ITSN2: variants seen among roughly 807,000 people sequenced by gnomAD.
The protein encoded by ITSN2 is intersectin 2.
In ITSN2, 156 loss-of-function variants were observed where a neutral mutation model predicts 243.7. The observed-to-expected ratio is 0.64, with a 90% CI of 0.56 to 0.73. The LOEUF (loss-of-function observed/expected upper bound fraction) is 0.73. Ranked by LOEUF, ITSN2 falls within the 30% of genes least tolerant of loss-of-function variation. The probability of loss-of-function intolerance (pLI) is 0.00; values close to 1 mark genes in which losing one functional copy is unlikely to be tolerated. For missense variants in ITSN2, 1,801 were observed against 1,996.1 expected, an observed-to-expected ratio of 0.90 and a Z score of 1.86; for synonymous variants, 703 against 699.9, an observed-to-expected ratio of 1.00 and a Z score of -0.07.
At chr2:24,315,350 G>C (rs1289811638) in intron 2 of ITSN2, 126 bp from the exon 3 acceptor site, 1 of 545,240 alleles carries the variant, frequency 1.8e-6, no homozygotes, top group Non-Finnish European at 3.3e-6. Flanking sequence ...GACACAAAGA[G>C]TAGAGCTCTA....
chr2:24,235,503 G>A (rs1672061266), intron 29 of ITSN2, among the ~76,000 whole-genome samples: 2 of 152,132 alleles, frequency 1.3e-5, no homozygotes, highest in African/African-American at 4.8e-5. Flanking sequence ...ACATGATGTA[G>A]GTGCATCAAT....
intron 1 of ITSN2, among the ~76,000 whole-genome samples, chr2:24,353,227 A>G (rs1458336201): frequency 6.6e-6 from 1 of 152,208 alleles, no homozygotes; most frequent in East Asian, 1.9e-4. Flanking sequence ...AAACACTAAG[A>G]CCTCAAATAA....
At position 24,280,203 on chromosome 2, in the gene ITSN2, T is replaced by C. The variant is rs1439058292; in HGVS notation, c.1945-4354A>G. Among the ~76,000 whole-genome samples, 4 of 152,222 alleles carry C rather than the reference T, an allele frequency of 2.6e-5. No individual in the cohort carries two copies. The East Asian group carries it at 7.7e-4, about 29-fold the overall frequency. Reference sequence around the variant, plus strand: ...TTCTAAATTAAATAATTGAAATATTTTACTTCTGTTGTCACTACAAGTAGC... The same window carrying C: ...TTCTAAATTAAATAATTGAAATATTCTACTTCTGTTGTCACTACAAGTAGC... On this transcript the variant is annotated intron_variant, in intron 17 of 39. Transcript: ENST00000355123.
chr2:24,280,855 A>G (rs1164328357), intron 17 of ITSN2, among the ~76,000 whole-genome samples: 4 of 152,160 alleles, frequency 2.6e-5, no homozygotes, highest in African/African-American at 9.7e-5. Flanking sequence ...TCTCAGGCTG[A>G]TCTCTTCATC....
intron 29 of ITSN2, among the ~76,000 whole-genome samples, chr2:24,223,992 G>A (rs1031675163): frequency 6.6e-6 from 1 of 152,124 alleles, no homozygotes; most frequent in Non-Finnish European, 1.5e-5. Flanking sequence ...AGGGGGAACT[G>A]CAGAGGGTAA....
intron 8 of ITSN2, among the ~76,000 whole-genome samples, chr2:24,305,532 G>A (rs1485791823): frequency 7.5e-6 from 1 of 133,260 alleles, no homozygotes; most frequent in African/African-American, 2.8e-5. Flanking sequence ...GGCCAAGATC[G>A]CACCACTGCA....
chr2:24,259,201 T>C (rs571731328), intron 22 of ITSN2, among the ~76,000 whole-genome samples: 1 of 152,342 alleles, frequency 6.6e-6, no homozygotes, highest in Non-Finnish European at 1.5e-5. Flanking sequence ...ACTACTATCC[T>C]TTTGGTTGCT....
At chr2:24,214,769 A>G (rs1014053352) in intron 32 of ITSN2, among the ~76,000 whole-genome samples, 19 of 151,948 alleles carry the variant, frequency 1.3e-4, no homozygotes, top group Non-Finnish European at 1.5e-5. Context: ...TCTAATTTCT[A>G]TTCTCTGCCT....
At chr2:24,218,206 G>C (rs747355358) in intron 30 of ITSN2, among the ~76,000 whole-genome samples, 193 bp from the exon 31 acceptor site, 3 of 152,116 alleles carry the variant, frequency 2.0e-5, no homozygotes, top group Non-Finnish European at 2.9e-5. Flanking sequence ...CTTTTTGCTA[G>C]TGCAGCTCTT....
chr2:24,263,356 G>A (rs1052603528), intron 20 of ITSN2, among the ~76,000 whole-genome samples: 2 of 152,100 alleles, frequency 1.3e-5, no homozygotes, highest in African/African-American at 4.8e-5. Context: ...ACACAGACTT[G>A]ACAGTGTTAT....
chr2:24,301,007 C>T (rs1681650094), intron 11 of ITSN2, 147 bp downstream of exon 11: 2 of 483,018 alleles, frequency 4.1e-6, no homozygotes, highest in African/African-American at 1.9e-5. Context: ...TTTATCAATA[C>T]CAAAATACAT....
intron 24 of ITSN2, among the ~76,000 whole-genome samples, chr2:24,252,931 T>C (rs1449235533): frequency 2.0e-5 from 3 of 152,158 alleles, no homozygotes; most frequent in Non-Finnish European, 4.4e-5. Context: ...GCTATATTAT[T>C]TTCTCTTTAA....
intron 37 of ITSN2, among the ~76,000 whole-genome samples, chr2:24,207,568 G>T (rs891652158): frequency 1.3e-5 from 2 of 151,986 alleles, no homozygotes; most frequent in Non-Finnish European, 2.9e-5. Context: ...TACAGAGGTC[G>T]GGGAGAGGCC....
intron 8 of ITSN2, among the ~76,000 whole-genome samples, chr2:24,305,314 A>C (rs1682354585): frequency 6.6e-6 from 1 of 152,080 alleles, no homozygotes; most frequent in South Asian, 2.1e-4. Flanking sequence ...GGAAAAACAG[A>C]CCAGTGGACA....
At chr2:24,212,230 G>A (rs755638353) in intron 33 of ITSN2, among the ~76,000 whole-genome samples, 1 of 152,144 alleles carries the variant, frequency 6.6e-6, no homozygotes, top group Non-Finnish European at 1.5e-5. Context: ...GGGACATCTA[G>A]GAAAGGTGTT....
At chr2:24,231,594 T>G (rs911813603) in intron 29 of ITSN2, among the ~76,000 whole-genome samples, 1 of 152,196 alleles carries the variant, frequency 6.6e-6, no homozygotes, top group Non-Finnish European at 1.5e-5. Flanking sequence ...AGACAAGTTA[T>G]GAATCATAGG....
At chr2:24,352,709 T>A (rs144991045) in intron 1 of ITSN2, among the ~76,000 whole-genome samples, 8 of 152,122 alleles carry the variant, frequency 5.3e-5, no homozygotes, top group Admixed American at 1.3e-4. Context: ...AATAGCAAAC[T>A]AATACTGAAG....
At chr2:24,234,168 AC>A (rs1403337572) in intron 29 of ITSN2, among the ~76,000 whole-genome samples, 1 of 152,062 alleles carries the variant, frequency 6.6e-6, no homozygotes, top group African/African-American at 2.4e-5. Flanking sequence ...CCAGAAATAG[AC>A]CCATATAAAT....
At chr2:24,208,365 A>C in intron 36 of ITSN2, 46 bp from the exon 37 acceptor site, 1 of 1,434,868 alleles carries the variant, frequency 7.0e-7, no homozygotes, top group Non-Finnish European at 9.8e-7. Flanking sequence ...CCACCCTCAC[A>C]GGTCAGCGTG....
Sources: allele counts gnomAD v4.1 joint callset (sites outside exome capture counted in the v4.1 genomes callset), GRCh38; gene constraint gnomAD v4.1.1; transcripts MANE v1.5; gene names NCBI Gene and HGNC (gene_info 2026-07-23, HGNC 2026-07-21).